The following BCL2L1 variants were observed in gnomAD, a reference collection of about 807,000 sequenced individuals.
BCL2L1 encodes the protein bcl-2-like protein 1.
BCL2L1 carries 1 observed loss-of-function variant against 18.7 expected under a neutral mutation model. That is an observed-to-expected ratio of 0.05 (90% CI 0.02 to 0.25). The LOEUF is 0.25. Among genes scored for constraint, BCL2L1 ranks in the 10% least tolerant of loss-of-function variants. The probability of loss-of-function intolerance (pLI) is 1.00; values close to 1 mark genes in which losing one functional copy is unlikely to be tolerated. For missense variants in BCL2L1, 207 were observed against 304.9 expected, an observed-to-expected ratio of 0.68 and a Z score of 2.39; for synonymous variants, 103 against 122.7, an observed-to-expected ratio of 0.84 and a Z score of 1.06.
rs144825817 is a variant in BCL2L1 at position 31,666,513 on chromosome 20, G to T, written c.565-427C>A. ...GAAGCCGCAAGGAGCCTAGAGTTGA[G>T]TCTGAGGGTAGTGTGGAGTGTGGAG... On this transcript the variant is annotated intron_variant, in intron 2 of 2. Coordinates refer to ENST00000307677, the MANE Select transcript of BCL2L1 (RefSeq NM_138578.3). Among the ~76,000 whole-genome samples the T allele has an allele frequency of 8.8e-4, 134 of 152,240 alleles. 3 individuals carry two copies. The East Asian group carries it at 0.025, about 28-fold the overall frequency.
chr20:31,719,950 T>G (rs1429043431), intron 2 of BCL2L1, among the ~76,000 whole-genome samples: 1 of 152,138 alleles, frequency 6.6e-6, no homozygotes, highest in African/African-American at 2.4e-5. Context: ...CCTCCTGTAA[T>G]CAGCTGAACA....
chr20:31,684,115 G>A (rs1037813071), intron 2 of BCL2L1, among the ~76,000 whole-genome samples: 2 of 152,118 alleles, frequency 1.3e-5, no homozygotes, highest in African/African-American at 2.4e-5. Flanking sequence ...GTCCAGAATG[G>A]CCCACAGGTA....
At chr20:31,666,112 A>G (rs1289022224) in intron 2 of BCL2L1, 26 bp from the exon 3 acceptor site, 6 of 1,613,428 alleles carry the variant, frequency 3.7e-6, no homozygotes, top group Middle Eastern at 1.7e-4. Context: ...AGGAAGGTGC[A>G]GTTTTAGTCC....
At chr20:31,695,925 A>AT (rs2061160521) in intron 2 of BCL2L1, among the ~76,000 whole-genome samples, 1 of 151,922 alleles carries the variant, frequency 6.6e-6, no homozygotes, top group Non-Finnish European at 1.5e-5. Flanking sequence ...ATTTTTCCCT[A>AT]TATCACTAAA....
intron 2 of BCL2L1, among the ~76,000 whole-genome samples, chr20:31,695,211 G>T (rs2061147417): frequency 1.3e-5 from 2 of 152,118 alleles, no homozygotes; most frequent in Admixed American, 6.5e-5. Flanking sequence ...GCTTCTCACT[G>T]GTCTCCTGCT....
intron 2 of BCL2L1, among the ~76,000 whole-genome samples, chr20:31,684,026 C>T (rs2060913377): frequency 6.6e-6 from 1 of 152,092 alleles, no homozygotes; most frequent in Non-Finnish European, 1.5e-5. Context: ...TCTAAGTTAC[C>T]TTGAAGATCC....
chr20:31,701,540 T>G (rs992855167), intron 2 of BCL2L1, among the ~76,000 whole-genome samples: 1 of 152,202 alleles, frequency 6.6e-6, no homozygotes, highest in Non-Finnish European at 1.5e-5. Context: ...ACATTATCCT[T>G]TTGGTTGTAT....
chr20:31,710,390 C>T (rs1264564076), intron 2 of BCL2L1, among the ~76,000 whole-genome samples: 1 of 152,190 alleles, frequency 6.6e-6, no homozygotes, highest in Non-Finnish European at 1.5e-5. Context: ...CTATCATCTT[C>T]ATTAAGAGAT....
At chr20:31,704,107 T>G (rs1306562027) in intron 2 of BCL2L1, among the ~76,000 whole-genome samples, 2 of 145,456 alleles carry the variant, frequency 1.4e-5, no homozygotes, top group African/African-American at 2.6e-5. Context: ...CCTAAACCTT[T>G]TTTTTTTTTT....
chr20:31,666,615 T>C (rs180994147), intron 2 of BCL2L1, among the ~76,000 whole-genome samples: 2 of 151,950 alleles, frequency 1.3e-5, no homozygotes, highest in African/African-American at 4.8e-5. Context: ...CCAGGGTCAT[T>C]TGAGGCCAAT....
At chr20:31,702,537 G>C (rs1268811143) in intron 2 of BCL2L1, among the ~76,000 whole-genome samples, 1 of 151,870 alleles carries the variant, frequency 6.6e-6, no homozygotes, top group Non-Finnish European at 1.5e-5. Flanking sequence ...TTTTGAGATG[G>C]AGTTTTGCTC....
chr20:31,715,577 T>G (rs977289095), intron 2 of BCL2L1, among the ~76,000 whole-genome samples: 6 of 152,158 alleles, frequency 3.9e-5, no homozygotes, highest in African/African-American at 1.4e-4. Flanking sequence ...TCAAATAAAT[T>G]TAGGTAATAC....
chr20:31,688,460 A>AG (rs2061000000), intron 2 of BCL2L1, among the ~76,000 whole-genome samples: 1 of 148,258 alleles, frequency 6.7e-6, no homozygotes, highest in Non-Finnish European at 1.5e-5. Flanking sequence ...AAAAAAAAAA[A>AG]GAAAGAAAAG....
intron 2 of BCL2L1, among the ~76,000 whole-genome samples, chr20:31,673,978 T>TA (rs2060716553): frequency 6.6e-6 from 1 of 152,212 alleles, no homozygotes; most frequent in South Asian, 2.1e-4. Flanking sequence ...TCATAACATT[T>TA]ATCAATAGCC....
At chr20:31,700,830 C>G (rs1470205256) in intron 2 of BCL2L1, among the ~76,000 whole-genome samples, 10 of 152,216 alleles carry the variant, frequency 6.6e-5, no homozygotes, top group Admixed American at 6.5e-4. Context: ...GGCAATATCT[C>G]AATTAATAAA....
chr20:31,676,834 T>C (rs1416787542), intron 2 of BCL2L1, among the ~76,000 whole-genome samples: 2 of 152,312 alleles, frequency 1.3e-5, no homozygotes, highest in East Asian at 1.9e-4. Flanking sequence ...TATGCACTTA[T>C]GGAGAGCTCC....
chr20:31,710,675 G>A (rs574290490), intron 2 of BCL2L1, among the ~76,000 whole-genome samples: 2 of 152,348 alleles, frequency 1.3e-5, no homozygotes, highest in South Asian at 4.1e-4. Context: ...CAGAGGCCCA[G>A]GGCCCAGCAA....
intron 2 of BCL2L1, among the ~76,000 whole-genome samples, chr20:31,712,408 T>G (rs2061468312): frequency 6.6e-6 from 1 of 152,192 alleles, no homozygotes. Flanking sequence ...GAGAATGAAA[T>G]CTATTAATAC....
At chr20:31,695,413 C>G (rs1014905300) in intron 2 of BCL2L1, among the ~76,000 whole-genome samples, 46 of 152,370 alleles carry the variant, frequency 3.0e-4, no homozygotes, top group African/African-American at 1.1e-3. Context: ...TCTGGCCATA[C>G]TGGCCAACTT....
Sources: gnomAD v4.1 joint callset for allele counts (sites outside exome capture counted in the v4.1 genomes callset) on GRCh38, gnomAD v4.1.1 for gene constraint, MANE v1.5 for transcripts, NCBI Gene and HGNC (gene_info 2026-07-23, HGNC 2026-07-21) for gene names.